The following STX18 variants were observed in gnomAD, a reference collection of about 807,000 sequenced individuals.
STX18 encodes the protein syntaxin-18.
Under a neutral mutation model 50.1 loss-of-function variants are expected in STX18, and 40 were observed. The observed-to-expected ratio is 0.80, with a 90% CI of 0.62 to 1.04. The LOEUF (loss-of-function observed/expected upper bound fraction) is 1.04, where lower values mean the gene tolerates loss of function less well. Ranked by LOEUF, STX18 falls within the 50% of genes least tolerant of loss-of-function variation. The pLI is 0.00. For missense variants in STX18, 410 were observed against 415.8 expected (o/e 0.99, Z 0.12); for synonymous variants, 158 against 151.8 (o/e 1.04, Z -0.30).
intron 1 of STX18, among the ~76,000 whole-genome samples, chr4:4,475,036 A>C (rs1367088690): frequency 6.6e-6 from 1 of 152,166 alleles, no homozygotes; most frequent in Non-Finnish European, 1.5e-5. Context: ...GTGCAGAGGA[A>C]TCTACTGTAC....
At chr4:4,527,867 C>CACACACACATATATATATAT (rs372566368) in intron 1 of STX18, among the ~76,000 whole-genome samples, 1 of 137,208 alleles carries the variant, frequency 7.3e-6, no homozygotes, top group African/African-American at 2.6e-5. Flanking sequence ...CACACACACA[C>CACACACACATATATATATAT]ATATATATAT....
chr4:4,471,322 G>A (rs1202876120), intron 2 of STX18, among the ~76,000 whole-genome samples: 1 of 152,210 alleles, frequency 6.6e-6, no homozygotes, highest in Non-Finnish European at 1.5e-5. Flanking sequence ...TCCACAGGTT[G>A]AGGGCATACA....
At chr4:4,515,132 AAAAGTTCCAAAG>A (rs1380734684) in intron 1 of STX18, among the ~76,000 whole-genome samples, 1 of 152,148 alleles carries the variant, frequency 6.6e-6, no homozygotes, top group Non-Finnish European at 1.5e-5. Flanking sequence ...CAAAGTCCTT[AAAAGTTCCAAAG>A]GATAGTGAGA....
intron 7 of STX18, among the ~76,000 whole-genome samples, chr4:4,429,053 C>A (rs1725397608): frequency 6.6e-6 from 1 of 152,128 alleles, no homozygotes; most frequent in South Asian, 2.1e-4. Flanking sequence ...CAGCACTCTC[C>A]CCCACCCTCC....
chr4:4,462,309 T>A (rs764260165), intron 2 of STX18, among the ~76,000 whole-genome samples: 7 of 152,224 alleles, frequency 4.6e-5, no homozygotes, highest in Non-Finnish European at 7.3e-5. Flanking sequence ...GACTTCTATG[T>A]GTCAGGAACT....
chr4:4,536,561 G>A (rs1266976588), intron 1 of STX18, among the ~76,000 whole-genome samples: 1 of 152,200 alleles, frequency 6.6e-6, no homozygotes, highest in Non-Finnish European at 1.5e-5. Context: ...TCCAGGTAGA[G>A]GGATGCAAAG....
intron 1 of STX18, among the ~76,000 whole-genome samples, chr4:4,523,643 C>G (rs1275743271): frequency 1.3e-5 from 2 of 152,168 alleles, no homozygotes; most frequent in African/African-American, 4.8e-5. Flanking sequence ...CTCCCTAGCT[C>G]TATAGTAACG....
chr4:4,521,241 G>A (rs1730497120), intron 1 of STX18, among the ~76,000 whole-genome samples: 1 of 152,196 alleles, frequency 6.6e-6, no homozygotes, highest in South Asian at 2.1e-4. Flanking sequence ...TGGCCCCACA[G>A]CATGGGGTAC....
chr4:4,471,730 C>T (rs565103209), intron 1 of STX18, 24 bp from the exon 2 acceptor site: 7 of 1,504,740 alleles, frequency 4.7e-6, no homozygotes, highest in Non-Finnish European at 6.3e-6. Flanking sequence ...AGAAAGCCAA[C>T]AGTTTATATA....
At chr4:4,492,310 T>A (rs921319674) in intron 1 of STX18, among the ~76,000 whole-genome samples, 6 of 152,112 alleles carry the variant, frequency 3.9e-5, no homozygotes, top group African/African-American at 1.2e-4. Context: ...AGAGTATAGG[T>A]GGTACTCTTT....
chr4:4,493,696 T>G (rs1729046154), intron 1 of STX18, among the ~76,000 whole-genome samples: 1 of 152,176 alleles, frequency 6.6e-6, no homozygotes, highest in Non-Finnish European at 1.5e-5. Context: ...TACTAAAGCA[T>G]CAATAGAAAA....
chr4:4,503,134 T>A (rs989772322), intron 1 of STX18, among the ~76,000 whole-genome samples: 1 of 152,180 alleles, frequency 6.6e-6, no homozygotes, highest in Non-Finnish European at 1.5e-5. Context: ...TTTCGGCATG[T>A]AATTCAGAGG....
At chr4:4,531,487 G>A (rs1731093820) in intron 1 of STX18, among the ~76,000 whole-genome samples, 2 of 152,114 alleles carry the variant, frequency 1.3e-5, no homozygotes, top group Non-Finnish European at 1.5e-5. Context: ...TTAAATATAG[G>A]ATCGCCATTG....
chr4:4,433,754 C>G (rs1202982306), intron 7 of STX18, among the ~76,000 whole-genome samples: 1 of 152,056 alleles, frequency 6.6e-6, no homozygotes, highest in East Asian at 1.9e-4. Context: ...ATAGAGAGAG[C>G]TTGAAATTTC....
At chr4:4,461,741 G>T (rs1727387161) in intron 2 of STX18, among the ~76,000 whole-genome samples, 1 of 152,194 alleles carries the variant, frequency 6.6e-6, no homozygotes, top group Non-Finnish European at 1.5e-5. Flanking sequence ...CAGAACCTGG[G>T]CTACCGGGGG....
At chr4:4,457,354 G>T in intron 4 of STX18, 69 bp downstream of exon 4, 1 of 1,566,872 alleles carries the variant, frequency 6.4e-7, no homozygotes, top group Non-Finnish European at 8.8e-7. Flanking sequence ...TCTTCAGCTA[G>T]CAAAGCTAAA....
Position 4,499,241 on chromosome 4 carries a change from T to G in STX18, c.169-27535A>C, listed in dbSNP as rs114903618. 1.4e-4 allele frequency among the ~76,000 whole-genome samples: 22 copies of G among 152,340 alleles called. No individual in the cohort carries two copies. The South Asian group carries it at 1.4e-3, about 10-fold the overall frequency. On this transcript the variant is annotated intron_variant, in intron 1 of 10. Transcript: ENST00000306200. ...TACCTTGTGGAATGGAAAGCCATAA[T>G]TGTAATGTGGAATGAGACCAACTGA...
At position 4,439,173 on chromosome 4, in the gene STX18, C is replaced by G. The variant is rs545769155; in HGVS notation, c.498-664G>C. 3.1e-3 allele frequency among the ~76,000 whole-genome samples: 367 copies of G among 118,488 alleles called. 3 individuals are homozygous for G. Among genetic ancestry groups the G allele is most frequent in the African/African-American group, 0.012 (351 of 30,422 alleles). The allele number at this position is 118,488 out of a possible 152,430, so 77.7% of individuals were successfully genotyped here. A position where few individuals can be genotyped will look rare whatever the true frequency, so the allele number is the denominator to read the frequency against. ...ATATACCCCCCACACATATATAACC[C>G]CCTACATACACACATACCCCATATA... is the stretch of plus-strand genomic sequence containing the variant. On this transcript the variant is annotated intron_variant, in intron 5 of 10. Transcript: ENST00000306200.
At chr4:4,458,471 G>A (rs1405785398) in intron 3 of STX18, among the ~76,000 whole-genome samples, 1 of 152,144 alleles carries the variant, frequency 6.6e-6, no homozygotes, top group Non-Finnish European at 1.5e-5. Flanking sequence ...GTCTCCAAGT[G>A]GTCCGTCAGC....
Sources: gnomAD v4.1 joint callset for allele counts (sites outside exome capture counted in the v4.1 genomes callset) on GRCh38, gnomAD v4.1.1 for gene constraint, MANE v1.5 for transcripts, NCBI Gene and HGNC (gene_info 2026-07-23, HGNC 2026-07-21) for gene names.